Variants in TENM4 observed in about 807,000 individuals in gnomAD.
The protein encoded by TENM4 is teneurin transmembrane protein 4, also known as teneurin-4.
Under a neutral mutation model 243.3 loss-of-function variants are expected in TENM4, and 82 were observed. The ratio of observed to expected loss-of-function variants is 0.34; its 90% CI spans 0.28 to 0.40. The LOEUF (loss-of-function observed/expected upper bound fraction) is 0.40. Among genes scored for constraint, TENM4 ranks in the 10% least tolerant of loss-of-function variants. The pLI is 1.00. For missense variants in TENM4, 3,138 were observed against 3,673.3 expected (o/e 0.85, Z 3.77); for synonymous variants, 1,412 against 1,456.3 (o/e 0.97, Z 0.69).
chr11:78,889,833 C>T lies in TENM4; in HGVS notation c.1036G>A (p.Ala346Thr), dbSNP rs369432996. 37 of 1,551,676 alleles carry T rather than the reference C, an allele frequency of 2.4e-5. No individual in the cohort carries two copies. The Middle Eastern group carries it at 5.0e-4, about 21-fold the overall frequency. ...ACCAGAGTGGCTGAGATGACGATGGCGCTCAGGGCTGCGCACTTCCAGTTA... is the reference window on the plus strand; with the variant it reads ...ACCAGAGTGGCTGAGATGACGATGGTGCTCAGGGCTGCGCACTTCCAGTTA... ...YCNWKCAALS[A>T]IVISATLVIL... The change falls in exon 9 of 34, where the codon GCC (alanine) becomes ACC (threonine). Residue 346 changes from alanine to threonine, a missense_variant. Ala to Thr is a moderately conservative substitution (Grantham distance 58). Coordinates refer to ENST00000278550, the MANE Select transcript of TENM4 (RefSeq NM_001098816.3).
intron 2 of TENM4, among the ~76,000 whole-genome samples, chr11:79,253,738 C>T (rs770865141): frequency 7.2e-5 from 11 of 152,122 alleles, no homozygotes; most frequent in African/African-American, 1.2e-4. Context: ...AGGATGAAGA[C>T]GTTTAGACCT....
chr11:78,910,621 A>G (rs1856163962), intron 6 of TENM4, among the ~76,000 whole-genome samples: 1 of 152,264 alleles, frequency 6.6e-6, no homozygotes, highest in Non-Finnish European at 1.5e-5. Context: ...TGTGTATGAA[A>G]GCACCTTGCA....
At chr11:78,869,413 A>G (rs1354173560) in intron 9 of TENM4, among the ~76,000 whole-genome samples, 1 of 152,220 alleles carries the variant, frequency 6.6e-6, no homozygotes, top group Non-Finnish European at 1.5e-5. Flanking sequence ...ATTACAGCAG[A>G]CGATTATTTC....
At chr11:79,134,138 A>T (rs1050120126) in intron 4 of TENM4, among the ~76,000 whole-genome samples, 2 of 152,176 alleles carry the variant, frequency 1.3e-5, no homozygotes, top group African/African-American at 4.8e-5. Context: ...TGATAAAAGA[A>T]TTCAGCAAAG....
intron 3 of TENM4, among the ~76,000 whole-genome samples, chr11:79,175,088 G>C (rs1438933889): frequency 1.1e-4 from 16 of 152,042 alleles, no homozygotes; most frequent in Admixed American, 9.8e-4. Context: ...CAGACTTCTT[G>C]AACAAATACC....
At chr11:79,046,589 T>A (rs536401772) in intron 6 of TENM4, among the ~76,000 whole-genome samples, 1 of 152,258 alleles carries the variant, frequency 6.6e-6, no homozygotes, top group Non-Finnish European at 1.5e-5. Flanking sequence ...CAATATGACT[T>A]GTATTCTTAT....
intron 21 of TENM4, among the ~76,000 whole-genome samples, chr11:78,730,608 CCAG>C (rs1402596888): frequency 6.6e-6 from 1 of 152,154 alleles, no homozygotes; most frequent in African/African-American, 2.4e-5. Context: ...TAAATGAATG[CCAG>C]CATGCCCAAG....
intron 20 of TENM4, among the ~76,000 whole-genome samples, chr11:78,735,838 A>T (rs201319564): frequency 4.2e-4 from 56 of 131,902 alleles, no homozygotes; most frequent in Non-Finnish European, 5.7e-4. Flanking sequence ...CTTGGCTCCC[A>T]CCCCTCCCCT....
Position 79,368,887 on chromosome 11 carries a change from A to G in TENM4, c.-320-71344T>C, listed in dbSNP as rs148298015. Among the ~76,000 whole-genome samples the G allele has an allele frequency of 2.3e-3, 343 of 152,356 alleles. 3 individuals are homozygous for G. The highest frequency in any genetic ancestry group is 8.0e-3 in the African/African-American group (332 of 41,594). ...TGTCTCGCGGAGATGTGTGGAGTCAATACGTTCAGGAATGACAGGTACTTG... is the reference window on the plus strand; with the variant it reads ...TGTCTCGCGGAGATGTGTGGAGTCAGTACGTTCAGGAATGACAGGTACTTG... On this transcript the variant is annotated intron_variant, in intron 1 of 33. Transcript: ENST00000278550.
intron 6 of TENM4, among the ~76,000 whole-genome samples, chr11:78,964,521 T>C (rs975948845): frequency 1.3e-5 from 2 of 152,304 alleles, no homozygotes; most frequent in Admixed American, 6.5e-5. Flanking sequence ...GTGTTTTGGT[T>C]TCTTTACCTA....
chr11:79,347,073 T>C (rs1857337905), intron 1 of TENM4, among the ~76,000 whole-genome samples: 1 of 152,186 alleles, frequency 6.6e-6, no homozygotes, highest in Non-Finnish European at 1.5e-5. Context: ...TGCATCTTAC[T>C]TAGAAACTGT....
rs79368630 is a variant in TENM4, at chr11:79,148,792, G to A, written c.-148C>T. On this transcript the variant is annotated 5_prime_UTR_variant, in exon 4 of 34. Coordinates refer to ENST00000278550, the MANE Select transcript of TENM4 (RefSeq NM_001098816.3). ...TATGCAATTTTAATTTGGACACATG[G>A]TAATTTCAGTCTACCTGTTGAAAGA... The A allele has an allele frequency of 0.011, 10,765 of 979,528 alleles. 888 individuals are homozygous for A. The African/African-American group carries it at 0.18, about 16-fold the overall frequency. 60.7% of individuals were successfully genotyped at this position (979,528 alleles called of 1,614,324 possible).
chr11:79,284,929 T>A (rs963358572), intron 2 of TENM4, among the ~76,000 whole-genome samples: 3 of 151,992 alleles, frequency 2.0e-5, no homozygotes, highest in African/African-American at 7.2e-5. Flanking sequence ...AAAATTGCCA[T>A]AAGAACATGT....
chr11:79,417,814 C>T (rs1858850549), intron 1 of TENM4, among the ~76,000 whole-genome samples: 1 of 152,156 alleles, frequency 6.6e-6, no homozygotes, highest in Admixed American at 6.5e-5. Flanking sequence ...ACCTCCACAC[C>T]TTTTCTCATG....
At chr11:79,278,189 C>T (rs749449761) in intron 2 of TENM4, among the ~76,000 whole-genome samples, 3 of 152,224 alleles carry the variant, frequency 2.0e-5, no homozygotes, top group East Asian at 3.9e-4. Context: ...CACCTTGTTC[C>T]GATGAGGATT....
At chr11:79,100,483 T>TA (rs1248148831) in intron 4 of TENM4, among the ~76,000 whole-genome samples, 1 of 152,136 alleles carries the variant, frequency 6.6e-6, no homozygotes, top group African/African-American at 2.4e-5. Flanking sequence ...GTGAATAGCT[T>TA]ACAATGACAA....
chr11:78,717,550 G>T (rs1859550173), intron 25 of TENM4, among the ~76,000 whole-genome samples: 2 of 152,216 alleles, frequency 1.3e-5, no homozygotes, highest in Non-Finnish European at 2.9e-5. Context: ...GAGAAATGGG[G>T]ATAGTCACAC....
chr11:79,315,979 A>G (rs1856796593), intron 1 of TENM4, among the ~76,000 whole-genome samples: 1 of 152,246 alleles, frequency 6.6e-6, no homozygotes, highest in African/African-American at 2.4e-5. Context: ...TTTTGCACCA[A>G]CCTAATAGTA....
intron 2 of TENM4, among the ~76,000 whole-genome samples, chr11:79,262,354 G>T (rs1489149499): frequency 6.6e-6 from 1 of 152,136 alleles, no homozygotes; most frequent in African/African-American, 2.4e-5. Flanking sequence ...CCCAGCCATT[G>T]GTCTGACACT....
Sources: allele counts gnomAD v4.1 joint callset (sites outside exome capture counted in the v4.1 genomes callset), GRCh38; gene constraint gnomAD v4.1.1; transcripts MANE v1.5; gene names NCBI Gene and HGNC (gene_info 2026-07-23, HGNC 2026-07-21).